The following ALK variants were observed in gnomAD, a reference collection of about 807,000 sequenced individuals.
ALK encodes the protein ALK receptor tyrosine kinase.
Under a neutral mutation model 163.1 loss-of-function variants are expected in ALK, and 74 were observed. The observed-to-expected ratio is 0.45, with a 90% CI of 0.38 to 0.55. The LOEUF is 0.55. Ranked by LOEUF, ALK falls within the 20% of genes least tolerant of loss-of-function variation. The pLI is 0.00. For synonymous variants in ALK, 960 were observed against 843.2 expected (o/e 1.14, Z -2.40); for missense variants, 2,063 against 2,105.3 (o/e 0.98, Z 0.39).
chr2:29,534,408 C>T (rs897583504), intron 3 of ALK, among the ~76,000 whole-genome samples: 6 of 152,132 alleles, frequency 3.9e-5, no homozygotes, highest in Non-Finnish European at 5.9e-5. Context: ...GTGCAGAGCA[C>T]GTGAGGACCC....
At chr2:29,673,702 C>A (rs1677780213) in intron 3 of ALK, among the ~76,000 whole-genome samples, 1 of 150,184 alleles carries the variant, frequency 6.7e-6, no homozygotes. Context: ...TAGTTTTTTC[C>A]AATTCTGTGA....
intron 1 of ALK, among the ~76,000 whole-genome samples, chr2:29,914,185 C>G (rs894124244): frequency 6.6e-6 from 1 of 152,154 alleles, no homozygotes; most frequent in Non-Finnish European, 1.5e-5. Context: ...GAAGTAAATA[C>G]CACACTTCAA....
chr2:29,692,663 G>C (rs1188084772), intron 3 of ALK, among the ~76,000 whole-genome samples: 2 of 152,214 alleles, frequency 1.3e-5, no homozygotes, highest in Non-Finnish European at 2.9e-5. Context: ...ATGCTGGCTT[G>C]CTTGCTACTC....
intron 4 of ALK, among the ~76,000 whole-genome samples, chr2:29,428,949 T>C (rs1337286976): frequency 1.3e-5 from 2 of 152,048 alleles, no homozygotes; most frequent in Non-Finnish European, 2.9e-5. Flanking sequence ...ATTGACTTAA[T>C]ATGCAAAAAT....
chr2:29,518,848 T>C (rs1672740180), intron 4 of ALK, among the ~76,000 whole-genome samples: 1 of 152,140 alleles, frequency 6.6e-6, no homozygotes, highest in South Asian at 2.1e-4. Context: ...CAGATCATGG[T>C]GAAATAGGAG....
At chr2:29,272,970 G>A (rs545391695) in intron 11 of ALK, among the ~76,000 whole-genome samples, 1 of 152,190 alleles carries the variant, frequency 6.6e-6, no homozygotes, top group East Asian at 1.9e-4. Flanking sequence ...AACAGCAACT[G>A]TCCCTGGGCC....
chr2:29,762,855 G>A (rs2541182), intron 1 of ALK, among the ~76,000 whole-genome samples: 102,532 of 152,010 alleles, frequency 0.67, 40,627 homozygotes, highest in Non-Finnish European at 0.88. Flanking sequence ...TTGAGAGGCC[G>A]AGGCGGGCGG....
intron 1 of ALK, among the ~76,000 whole-genome samples, chr2:29,826,851 T>A (rs1470912125): frequency 6.6e-6 from 1 of 152,232 alleles, no homozygotes; most frequent in Admixed American, 6.5e-5. Flanking sequence ...ACTCAAAATG[T>A]TTTTACCCAA....
At chr2:29,917,560 C>A (rs556139282) in intron 1 of ALK, among the ~76,000 whole-genome samples, 100 of 152,280 alleles carry the variant, frequency 6.6e-4, no homozygotes, top group African/African-American at 2.3e-3. Flanking sequence ...GTATCTACTC[C>A]ATGGGGATGT....
intron 1 of ALK, among the ~76,000 whole-genome samples, chr2:29,719,331 C>T (rs746755552): frequency 1.3e-5 from 2 of 152,190 alleles, no homozygotes; most frequent in Non-Finnish European, 2.9e-5. Flanking sequence ...CTTTCTGCAG[C>T]ATTTCTGCAA....
chr2:29,511,002 T>C (rs1672495345), intron 4 of ALK, among the ~76,000 whole-genome samples: 1 of 152,170 alleles, frequency 6.6e-6, no homozygotes, highest in African/African-American at 2.4e-5. Flanking sequence ...TCACTAGCCC[T>C]TCACCCTTAC....
At chr2:29,915,386 A>AT (rs1667810116) in intron 1 of ALK, among the ~76,000 whole-genome samples, 1 of 152,102 alleles carries the variant, frequency 6.6e-6, no homozygotes, top group Non-Finnish European at 1.5e-5. Context: ...TGCCTGGCTA[A>AT]TTTTTTTATT....
chr2:29,298,401 C>T (rs971538281), intron 8 of ALK, among the ~76,000 whole-genome samples: 8 of 152,250 alleles, frequency 5.3e-5, no homozygotes, highest in African/African-American at 1.9e-4. Context: ...CCCCTGCTAA[C>T]TGTAAACCCT....
At chr2:29,839,590 CA>C (rs1665649315) in intron 1 of ALK, among the ~76,000 whole-genome samples, 2 of 152,176 alleles carry the variant, frequency 1.3e-5, no homozygotes. Context: ...TTGTTCATGA[CA>C]AAATGGTTGT....
At chr2:29,685,522 T>C (rs533709677) in intron 3 of ALK, among the ~76,000 whole-genome samples, 83 of 152,180 alleles carry the variant, frequency 5.5e-4, no homozygotes, top group Non-Finnish European at 1.1e-3. Flanking sequence ...AAGGACTGCA[T>C]TTCCAGCCAG....
intron 1 of ALK, among the ~76,000 whole-genome samples, chr2:29,898,961 TC>T (rs1667341278): frequency 6.6e-6 from 1 of 152,212 alleles, no homozygotes; most frequent in Non-Finnish European, 1.5e-5. Flanking sequence ...TCCTTCTTGC[TC>T]ACAGAGCCTC....
chr2:29,343,354 G>A (rs899362149), intron 5 of ALK, among the ~76,000 whole-genome samples: 4 of 147,020 alleles, frequency 2.7e-5, no homozygotes, highest in African/African-American at 1.0e-4. Context: ...GATCACAGGT[G>A]TGTGTCACTG....
chr2:29,713,074 A>C (rs958924247), intron 2 of ALK, among the ~76,000 whole-genome samples: 3 of 152,214 alleles, frequency 2.0e-5, no homozygotes, highest in Non-Finnish European at 4.4e-5. Flanking sequence ...GATTTGTTCC[A>C]GGCCTTCCTC....
At chr2:29,592,459 G>A (rs1675088977) in intron 3 of ALK, among the ~76,000 whole-genome samples, 3 of 152,114 alleles carry the variant, frequency 2.0e-5, no homozygotes, top group Non-Finnish European at 4.4e-5. Flanking sequence ...CTGAGCTCTT[G>A]GGGCACAAAC....
Sources: allele counts gnomAD v4.1 joint callset (sites outside exome capture counted in the v4.1 genomes callset), GRCh38; gene constraint gnomAD v4.1.1; transcripts MANE v1.5; gene names NCBI Gene and HGNC (gene_info 2026-07-23, HGNC 2026-07-21).